Variants in LHFPL3 observed in about 807,000 individuals in gnomAD.
The protein encoded by LHFPL3 is LHFPL tetraspan subfamily member 3, also known as LHFPL tetraspan subfamily member 3 protein.
Under a neutral mutation model 19.3 loss-of-function variants are expected in LHFPL3, and 5 were observed. The observed-to-expected ratio is 0.26, with a 90% CI of 0.14 to 0.54. The LOEUF is 0.54. LHFPL3 is among the 20% of genes least tolerant of loss of function. LHFPL3 has a pLI of 0.94. For synonymous variants in LHFPL3, 133 were observed against 126.2 expected, an observed-to-expected ratio of 1.05 and a Z score of -0.36; for missense variants, 249 against 307.4, an observed-to-expected ratio of 0.81 and a Z score of 1.42.
intron 2 of LHFPL3, among the ~76,000 whole-genome samples, chr7:104,844,228 C>A (rs1221531738): frequency 6.6e-6 from 1 of 152,246 alleles, no homozygotes; most frequent in Admixed American, 6.5e-5. Flanking sequence ...CCACCCAAAT[C>A]CCCATCCATG....
At chr7:104,743,500 T>C (rs1048934610) in intron 2 of LHFPL3, among the ~76,000 whole-genome samples, 4 of 152,228 alleles carry the variant, frequency 2.6e-5, no homozygotes, top group African/African-American at 7.2e-5. Context: ...TTTAAAAATA[T>C]TTAACAATAC....
At chr7:104,772,924 G>T (rs1284473666) in intron 2 of LHFPL3, among the ~76,000 whole-genome samples, 1 of 152,238 alleles carries the variant, frequency 6.6e-6, no homozygotes, top group African/African-American at 2.4e-5. Flanking sequence ...TGTTAACAGC[G>T]CTGTCAACAA....
At chr7:104,802,190 T>C (rs1790264642) in intron 2 of LHFPL3, among the ~76,000 whole-genome samples, 1 of 152,054 alleles carries the variant, frequency 6.6e-6, no homozygotes, top group East Asian at 1.9e-4. Context: ...TGAATGGAAT[T>C]AGTGCCCTTA....
At chr7:104,669,302 G>C in intron 1 of LHFPL3, 1 of 1,613,964 alleles carries the variant, frequency 6.2e-7, no homozygotes, top group South Asian at 1.1e-5. Flanking sequence ...TCTGAGGAAG[G>C]ACCAGGAAGG....
At chr7:104,508,056 C>T (rs1793734795) in intron 1 of LHFPL3, among the ~76,000 whole-genome samples, 1 of 148,752 alleles carries the variant, frequency 6.7e-6, no homozygotes. Flanking sequence ...TGTGGTGATT[C>T]CTCAGGGATC....
At chr7:104,761,653 C>A (rs1794373528) in intron 2 of LHFPL3, among the ~76,000 whole-genome samples, 1 of 152,118 alleles carries the variant, frequency 6.6e-6, no homozygotes, top group African/African-American at 2.4e-5. Flanking sequence ...CCGTACAGTT[C>A]ATAAACGCAG....
At chr7:104,491,858 A>G (rs979489057) in intron 1 of LHFPL3, among the ~76,000 whole-genome samples, 1 of 152,244 alleles carries the variant, frequency 6.6e-6, no homozygotes, top group Non-Finnish European at 1.5e-5. Flanking sequence ...AAAATGACCA[A>G]CACAGAACAC....
intron 1 of LHFPL3, among the ~76,000 whole-genome samples, chr7:104,546,243 T>C (rs1794576803): frequency 6.6e-6 from 1 of 152,184 alleles, no homozygotes; most frequent in African/African-American, 2.4e-5. Flanking sequence ...GAAACAACCA[T>C]AGAATTTGAT....
chr7:104,906,064 G>A, intron 2 of LHFPL3, 123 bp from the exon 3 acceptor site: 1 of 885,422 alleles, frequency 1.1e-6, no homozygotes, highest in Non-Finnish European at 1.8e-6. Context: ...AAATGCATTT[G>A]AACCATTCAT....
At chr7:104,795,023 T>C (rs891560391) in intron 2 of LHFPL3, among the ~76,000 whole-genome samples, 3 of 152,164 alleles carry the variant, frequency 2.0e-5, no homozygotes, top group Non-Finnish European at 4.4e-5. Flanking sequence ...ACAGAGAAGT[T>C]CTTAAAACCT....
intron 1 of LHFPL3, among the ~76,000 whole-genome samples, chr7:104,497,076 G>A (rs1197184334): frequency 1.3e-5 from 2 of 152,054 alleles, no homozygotes; most frequent in Non-Finnish European, 2.9e-5. Context: ...TGGACTATAT[G>A]CTGGGTAACT....
intron 1 of LHFPL3, among the ~76,000 whole-genome samples, chr7:104,544,195 C>T (rs969653246): frequency 5.3e-5 from 8 of 152,094 alleles, no homozygotes; most frequent in South Asian, 2.1e-4. Flanking sequence ...TAAAACCTCA[C>T]TAATAACTGG....
In LHFPL3 at chr7:104,408,928, G is replaced by A. The variant is rs183336752; in HGVS notation, c.445+79704G>A. On this transcript the variant is annotated intron_variant, in intron 1 of 2. Transcript: ENST00000424859. ...TGCCCAGGCTGGAGTGCAATGGCGC[G>A]ATCTCGTCTCACTGCAAGCTCCGCC... is the stretch of plus-strand genomic sequence containing the variant. Among the ~76,000 whole-genome samples, 47 of 146,062 alleles carry A rather than the reference G, an allele frequency of 3.2e-4. 1 individual carries two copies. The East Asian group carries it at 9.7e-3, about 30-fold the overall frequency.
intron 1 of LHFPL3, among the ~76,000 whole-genome samples, chr7:104,547,638 T>G (rs1794598435): frequency 6.6e-6 from 1 of 152,226 alleles, no homozygotes. Context: ...GTTCTCCAGC[T>G]GTCCAGAGAG....
At chr7:104,758,202 A>G (rs1190450467) in intron 2 of LHFPL3, among the ~76,000 whole-genome samples, 2 of 152,182 alleles carry the variant, frequency 1.3e-5, no homozygotes, top group Non-Finnish European at 2.9e-5. Context: ...GAGGAGGGAA[A>G]GAAGTGGCAG....
rs145359972 is a variant in LHFPL3 at position 104,466,732 on chromosome 7, T to C, written c.445+137508T>C. 7.2e-5 allele frequency among the ~76,000 whole-genome samples: 11 copies of C among 152,356 alleles called. No homozygotes were observed. The East Asian group carries it at 2.1e-3, about 29-fold the overall frequency. ...GTTTGACCTAGTTATAATCCCTGCCTATGGATTAAAATGGATTTTAGCTGA... is the reference window on the plus strand; with the variant it reads ...GTTTGACCTAGTTATAATCCCTGCCCATGGATTAAAATGGATTTTAGCTGA... On this transcript the variant is annotated intron_variant, in intron 1 of 2. Coordinates refer to ENST00000424859, the MANE Select transcript of LHFPL3 (RefSeq NM_199000.3).
chr7:104,547,572 C>T (rs891123296), intron 1 of LHFPL3, among the ~76,000 whole-genome samples: 15 of 152,084 alleles, frequency 9.9e-5, no homozygotes, highest in Non-Finnish European at 1.8e-4. Flanking sequence ...AAGCAGCTTT[C>T]GTGCATGTGT....
rs530790967 is a variant in LHFPL3, at chr7:104,454,723, C to A, written c.445+125499C>A. ...GCCCAAGTCCCTCCCATAGAATGAG[C>A]TCCATTGTTTGTTTCCTTCTCTACC... On this transcript the variant is annotated intron_variant, in intron 1 of 2. Transcript: ENST00000424859. Among the ~76,000 whole-genome samples, 53 of 152,268 alleles carry A rather than the reference C, an allele frequency of 3.5e-4. 1 individual carries two copies. In the South Asian group the frequency reaches 6.4e-3, roughly 18 times the overall value.
At chr7:104,757,144 T>A (rs922591616) in intron 2 of LHFPL3, among the ~76,000 whole-genome samples, 8 of 152,184 alleles carry the variant, frequency 5.3e-5, no homozygotes, top group Non-Finnish European at 1.0e-4. Context: ...CTGGGATAGC[T>A]GGCTAGCAAT....
Sources: gnomAD v4.1 joint callset for allele counts (sites outside exome capture counted in the v4.1 genomes callset) on GRCh38, gnomAD v4.1.1 for gene constraint, MANE v1.5 for transcripts, NCBI Gene and HGNC (gene_info 2026-07-23, HGNC 2026-07-21) for gene names.